NR1H4: variants seen among roughly 807,000 people sequenced by gnomAD.
NR1H4 encodes nuclear receptor subfamily 1 group H member 4.
A neutral mutation model predicts 58.5 loss-of-function variants in NR1H4; 23 were observed. The observed-to-expected ratio is 0.39, with a 90% CI of 0.28 to 0.56. The LOEUF is 0.56. Among genes scored for constraint, NR1H4 ranks in the 20% least tolerant of loss-of-function variants. The probability of loss-of-function intolerance (pLI) is 0.58; values close to 1 mark genes in which losing one functional copy is unlikely to be tolerated. For missense variants in NR1H4, 487 were observed against 576.9 expected (o/e 0.84, Z 1.60); for synonymous variants, 214 against 198.0 (o/e 1.08, Z -0.68).
chr12:100,518,331 A>C (rs911329745), intron 4 of NR1H4, among the ~76,000 whole-genome samples: 1 of 152,242 alleles, frequency 6.6e-6, no homozygotes, highest in Non-Finnish European at 1.5e-5. Flanking sequence ...AAGGAAGTGC[A>C]GGATCACAGA....
chr12:100,546,192 T>A (rs1382372605), intron 9 of NR1H4, among the ~76,000 whole-genome samples: 1 of 152,168 alleles, frequency 6.6e-6, no homozygotes, highest in Non-Finnish European at 1.5e-5. Flanking sequence ...GAGTGGGTCA[T>A]CTCCATGGCT....
chr12:100,531,312 C>T (rs906665874), intron 4 of NR1H4, among the ~76,000 whole-genome samples: 19 of 152,050 alleles, frequency 1.2e-4, no homozygotes, highest in Admixed American at 7.2e-4. Flanking sequence ...AAAAATTAGT[C>T]GGCCGCGGTG....
intron 8 of NR1H4, among the ~76,000 whole-genome samples, chr12:100,538,556 A>G (rs1298538799): frequency 6.6e-6 from 1 of 152,198 alleles, no homozygotes; most frequent in East Asian, 1.9e-4. Context: ...TTGCCACATT[A>G]TTAATGCTAT....
intron 3 of NR1H4, among the ~76,000 whole-genome samples, chr12:100,494,727 G>C (rs1477303190): frequency 6.6e-6 from 1 of 152,230 alleles, no homozygotes; most frequent in Non-Finnish European, 1.5e-5. Context: ...TCAGAACAGA[G>C]TCAATGTATA....
intron 3 of NR1H4, among the ~76,000 whole-genome samples, 164 bp downstream of exon 3, chr12:100,493,566 G>A (rs562250728): frequency 6.6e-6 from 1 of 152,232 alleles, no homozygotes; most frequent in East Asian, 1.9e-4. Flanking sequence ...GAGGTAGATC[G>A]GACCTTGGAT....
At chr12:100,555,946 G>C (rs1037625991) in intron 9 of NR1H4, among the ~76,000 whole-genome samples, 1 of 152,036 alleles carries the variant, frequency 6.6e-6, no homozygotes, top group Non-Finnish European at 1.5e-5. Flanking sequence ...CTGGATAAAG[G>C]GCAATCTTCC....
chr12:100,490,537 T>C (rs1413438481), intron 1 of NR1H4, among the ~76,000 whole-genome samples: 3 of 152,168 alleles, frequency 2.0e-5, no homozygotes, highest in Non-Finnish European at 4.4e-5. Context: ...TATGGGAAAT[T>C]GTGGAATTTC....
At chr12:100,495,161 C>T (rs1217455215) in intron 3 of NR1H4, among the ~76,000 whole-genome samples, 1 of 152,214 alleles carries the variant, frequency 6.6e-6, no homozygotes, top group Non-Finnish European at 1.5e-5. Flanking sequence ...TCTCCTCTCT[C>T]TCTTTTGCTG....
intron 9 of NR1H4, among the ~76,000 whole-genome samples, chr12:100,548,704 G>A (rs1294793778): frequency 1.3e-5 from 2 of 151,986 alleles, no homozygotes; most frequent in African/African-American, 4.8e-5. Flanking sequence ...AGGTACACTG[G>A]CGGTACAAAG....
chr12:100,556,238 C>A (rs540602048), intron 9 of NR1H4, among the ~76,000 whole-genome samples: 1 of 152,022 alleles, frequency 6.6e-6, no homozygotes, highest in Non-Finnish European at 1.5e-5. Context: ...GAGGCTGAGG[C>A]GGGTGGATCA....
intron 1 of NR1H4, among the ~76,000 whole-genome samples, chr12:100,487,595 C>CTTTTTTT (rs34694873): frequency 3.1e-4 from 36 of 115,956 alleles, no homozygotes; most frequent in Non-Finnish European, 4.3e-4. Context: ...TCTTCTTCTT[C>CTTTTTTT]TTTTTTTTTT....
chr12:100,531,739 C>T (rs1174869993), intron 4 of NR1H4, among the ~76,000 whole-genome samples: 1 of 151,286 alleles, frequency 6.6e-6, no homozygotes, highest in Non-Finnish European at 1.5e-5. Flanking sequence ...GAGTTGAAGT[C>T]GGTTACCTCC....
intron 1 of NR1H4, among the ~76,000 whole-genome samples, chr12:100,478,711 T>G (rs1210357079): frequency 3.3e-5 from 5 of 152,202 alleles, no homozygotes; most frequent in African/African-American, 1.2e-4. Context: ...TTTGCCCTCT[T>G]TCTGCATTAG....
intron 1 of NR1H4, among the ~76,000 whole-genome samples, chr12:100,485,246 T>C (rs1279331926): frequency 1.1e-4 from 16 of 152,174 alleles, no homozygotes; most frequent in Admixed American, 9.8e-4. Context: ...GCAGACCATA[T>C]GGACTGTATT....
At chr12:100,537,755 C>T (rs1486538668) in intron 8 of NR1H4, among the ~76,000 whole-genome samples, 2 of 152,102 alleles carry the variant, frequency 1.3e-5, no homozygotes, top group Non-Finnish European at 2.9e-5. Flanking sequence ...GCTCTGTTGC[C>T]CAGGCTGGAG....
chr12:100,564,015 T>C lies in NR1H4; in HGVS notation c.*526T>C, dbSNP rs1200853525. On this transcript the variant is annotated 3_prime_UTR_variant, in exon 11 of 11. Transcript: ENST00000392986. ...CTGGAAAAGTCCTGGTGAATAGTCA[T>C]TCATTTGTAATAGCCCTCTGATCAT... 6.5e-6 allele frequency: 1 copy of C among 154,452 alleles called. No homozygotes were observed. The highest frequency in any genetic ancestry group is 1.4e-5 in the Non-Finnish European group (1 of 69,526). The allele number at this position is 154,452 out of a possible 1,614,324, so 9.6% of individuals were successfully genotyped here.
chr12:100,537,961 G>A (rs528305297), intron 8 of NR1H4, among the ~76,000 whole-genome samples: 1 of 152,160 alleles, frequency 6.6e-6, no homozygotes, highest in Non-Finnish European at 1.5e-5. Context: ...TGAGCTGCCC[G>A]ACTTGGCCAA....
chr12:100,524,385 G>A (rs141408892), intron 4 of NR1H4, among the ~76,000 whole-genome samples: 32 of 152,260 alleles, frequency 2.1e-4, no homozygotes, highest in African/African-American at 7.5e-4. Context: ...ACACCCCTAG[G>A]AACCTCAGGG....
chr12:100,488,585 C>T (rs1021370303), intron 1 of NR1H4, among the ~76,000 whole-genome samples: 1 of 152,124 alleles, frequency 6.6e-6, no homozygotes, highest in African/African-American at 2.4e-5. Context: ...ATAACAGACT[C>T]TCACGTGTAG....
Sources: gnomAD v4.1 joint callset for allele counts (sites outside exome capture counted in the v4.1 genomes callset) on GRCh38, gnomAD v4.1.1 for gene constraint, MANE v1.5 for transcripts, NCBI Gene and HGNC (gene_info 2026-07-23, HGNC 2026-07-21) for gene names.